GSAP: variants seen among roughly 807,000 people sequenced by gnomAD.
GSAP encodes gamma-secretase activating protein, also known as gamma-secretase-activating protein.
GSAP carries 118 observed loss-of-function variants against 131.7 expected under a neutral mutation model. The ratio of observed to expected loss-of-function variants is 0.90; its 90% CI spans 0.77 to 1.04. The LOEUF (loss-of-function observed/expected upper bound fraction) is 1.04. Among genes scored for constraint, GSAP ranks in the 50% least tolerant of loss-of-function variants. The pLI is 0.00. For missense variants in GSAP, 1,019 were observed against 1,013.2 expected (o/e 1.01, Z -0.08); for synonymous variants, 381 against 363.4 (o/e 1.05, Z -0.55).
At chr7:77,397,060 A>G in intron 4 of GSAP, 25 bp from the exon 5 acceptor site, 1 of 1,495,668 alleles carries the variant, frequency 6.7e-7, no homozygotes, top group Non-Finnish European at 9.3e-7. Context: ...AAAAAAATCC[A>G]TTAGCAATTG....
intron 21 of GSAP, among the ~76,000 whole-genome samples, chr7:77,329,098 C>A (rs532239526): frequency 1.3e-5 from 2 of 152,044 alleles, no homozygotes; most frequent in Non-Finnish European, 2.9e-5. Flanking sequence ...CCATTGTAAA[C>A]ATCTATCCGC....
chr7:77,335,161 A>C (rs1447153158), intron 19 of GSAP, among the ~76,000 whole-genome samples: 1 of 152,106 alleles, frequency 6.6e-6, no homozygotes, highest in East Asian at 1.9e-4. Context: ...GCACTTTGGG[A>C]GGCCAAGATG....
At position 77,387,452 on chromosome 7, in the gene GSAP, C is replaced by G; in HGVS notation, c.368-4G>C. ...AACAAAGTCAAGCACTTTGATCCTA[C>G]AGAGAAAAGAAGGCTTTTAGTAACG... On this transcript the variant is annotated splice_polypyrimidine_tract_variant and splice_region_variant and intron_variant, in intron 5 of 30. Transcript: ENST00000257626. The G allele has an allele frequency of 6.5e-7, 1 of 1,535,346 alleles. No homozygotes were observed. The highest frequency in any genetic ancestry group is 9.0e-7 in the Non-Finnish European group (1 of 1,108,850).
chr7:77,329,479 A>G, intron 20 of GSAP, 88 bp from the exon 21 acceptor site: 1 of 580,468 alleles, frequency 1.7e-6, no homozygotes, highest in Non-Finnish European at 3.0e-6. Context: ...TACAGTTAAG[A>G]GCATCAGAGA....
chr7:77,348,202 T>C (rs528958160), intron 19 of GSAP, among the ~76,000 whole-genome samples: 1 of 152,164 alleles, frequency 6.6e-6, no homozygotes, highest in East Asian at 1.9e-4. Flanking sequence ...ATTATGGATT[T>C]GGTAAGACTA....
intron 12 of GSAP, among the ~76,000 whole-genome samples, chr7:77,368,490 T>G (rs1795637776): frequency 6.6e-6 from 1 of 152,194 alleles, no homozygotes; most frequent in Admixed American, 6.5e-5. Flanking sequence ...ACATTAAACT[T>G]ACTTGGGATC....
At chr7:77,330,860 A>G in intron 19 of GSAP, 2 of 981,656 alleles carry the variant, frequency 2.0e-6, no homozygotes, top group South Asian at 4.7e-5. Context: ...TAGGAATCAA[A>G]AAAAGATAAA....
chr7:77,382,488 A>G (rs1584632477), intron 7 of GSAP, 86 bp downstream of exon 7: 1 of 718,062 alleles, frequency 1.4e-6, no homozygotes. Context: ...TGGCAGGTGG[A>G]TATCTAGAAG....
chr7:77,406,774 A>T (rs1037637803), intron 1 of GSAP, among the ~76,000 whole-genome samples: 1 of 152,214 alleles, frequency 6.6e-6, no homozygotes, highest in African/African-American at 2.4e-5. Context: ...GACCCTCCCA[A>T]AAAGGTTCCT....
intron 3 of GSAP, among the ~76,000 whole-genome samples, chr7:77,403,254 T>C (rs776212597): frequency 2.6e-5 from 4 of 152,218 alleles, no homozygotes; most frequent in Non-Finnish European, 4.4e-5. Context: ...TGATCATCAC[T>C]GTGTCTCCAG....
At chr7:77,394,302 T>C (rs1304017193) in intron 5 of GSAP, among the ~76,000 whole-genome samples, 1 of 152,180 alleles carries the variant, frequency 6.6e-6, no homozygotes, top group Non-Finnish European at 1.5e-5. Flanking sequence ...TTCACTCCAC[T>C]CATCTCACTG....
intron 18 of GSAP, 143 bp from the exon 19 acceptor site, chr7:77,349,547 G>A (rs536215327): frequency 1.1e-5 from 7 of 637,472 alleles, no homozygotes; most frequent in African/African-American, 5.5e-5. Flanking sequence ...AACCTTGGAG[G>A]GCATAAATAA....
intron 26 of GSAP, among the ~76,000 whole-genome samples, chr7:77,319,088 A>G (rs915184582): frequency 6.6e-6 from 1 of 152,180 alleles, no homozygotes; most frequent in African/African-American, 2.4e-5. Flanking sequence ...TATGTATAAA[A>G]GGAAACGATC....
intron 21 of GSAP, among the ~76,000 whole-genome samples, 198 bp downstream of exon 21, chr7:77,329,135 T>C (rs1266328917): frequency 6.6e-6 from 1 of 152,198 alleles, no homozygotes. Context: ...AGGTTCAACA[T>C]ATAAGCTTTT....
intron 18 of GSAP, chr7:77,351,583 A>C: frequency 3.0e-6 from 3 of 985,852 alleles, no homozygotes; most frequent in Non-Finnish European, 3.6e-6. Flanking sequence ...CCCCAAGATT[A>C]GTTCAGTACA....
chr7:77,401,063 TAAAAG>T (rs1003416893), intron 3 of GSAP, among the ~76,000 whole-genome samples: 15 of 145,420 alleles, frequency 1.0e-4, no homozygotes, highest in African/African-American at 3.6e-4. Context: ...AATCAAAAAA[TAAAAG>T]AAACAGAACC....
chr7:77,343,674 C>T lies in GSAP; in HGVS notation c.1545+5677G>A, dbSNP rs552686419. ...CACTGCCAGTTTTTCTCCTTCTCAT[C>T]GGTCACTTCCACCTACTCCCCCACT... On this transcript the variant is annotated intron_variant, in intron 19 of 30. Transcript: ENST00000257626. Among the ~76,000 whole-genome samples, 13 of 152,298 alleles carry T rather than the reference C, an allele frequency of 8.5e-5. No individual in the cohort carries two copies. The East Asian group carries it at 9.6e-4, about 11-fold the overall frequency.
chr7:77,384,551 T>C (rs1254032598), intron 6 of GSAP, among the ~76,000 whole-genome samples: 3 of 152,076 alleles, frequency 2.0e-5, no homozygotes, highest in Admixed American at 6.6e-5. Context: ...TTAGAATGAA[T>C]ATTGGTCTTT....
At chr7:77,330,198 A>G in intron 20 of GSAP, 41 bp downstream of exon 20, 2 of 1,582,454 alleles carry the variant, frequency 1.3e-6, no homozygotes, top group East Asian at 2.3e-5. Flanking sequence ...CCAGTCCACT[A>G]TGCCTCGCTG....
Sources: gnomAD v4.1 joint callset for allele counts (sites outside exome capture counted in the v4.1 genomes callset) on GRCh38, gnomAD v4.1.1 for gene constraint, MANE v1.5 for transcripts, NCBI Gene and HGNC (gene_info 2026-07-23, HGNC 2026-07-21) for gene names.